The following AFG2A variants were observed in gnomAD, a reference collection of about 807,000 sequenced individuals.
AFG2A encodes the protein ATPase family gene 2 protein homolog A.
the AFG2A span, among the ~76,000 whole-genome samples, chr4:122,945,707 G>C: frequency 2.0e-5 from 3 of 152,214 alleles, no homozygotes. Flanking sequence ...TACCTCAGAT[G>C]GAAATACAGA....
the AFG2A span, among the ~76,000 whole-genome samples, chr4:123,036,175 A>G: frequency 1.3e-5 from 2 of 152,228 alleles, no homozygotes; most frequent in Non-Finnish European, 2.9e-5. Context: ...GCTCCTCGTT[A>G]TGTATCAACT....
the AFG2A span, among the ~76,000 whole-genome samples, chr4:123,051,620 G>A: frequency 2.5e-5 from 1 of 39,360 alleles, no homozygotes; most frequent in Admixed American, 2.5e-4. Context: ...GACAGGTCTA[G>A]TAGTGATAAA....
the AFG2A span, among the ~76,000 whole-genome samples, chr4:123,245,284 C>T: frequency 6.6e-6 from 1 of 152,118 alleles, no homozygotes; most frequent in Non-Finnish European, 1.5e-5. Context: ...CCATTAAGAA[C>T]CCATGGGTTT....
the AFG2A span, among the ~76,000 whole-genome samples, chr4:123,185,134 G>T: frequency 1.7e-4 from 26 of 152,082 alleles, no homozygotes; most frequent in African/African-American, 5.1e-4. Context: ...TTGGTTGATG[G>T]CTCTTTTGAA....
At chr4:123,017,458 T>C in the AFG2A span, among the ~76,000 whole-genome samples, 1 of 132,602 alleles carries the variant, frequency 7.5e-6, no homozygotes, top group African/African-American at 3.0e-5. Context: ...TGCTTTTCAC[T>C]ATATACAGCT....
the AFG2A span, chr4:123,255,951 G>A: frequency 6.3e-7 from 1 of 1,580,280 alleles, no homozygotes; most frequent in Non-Finnish European, 8.7e-7. Context: ...CTTTCCCTAG[G>A]TATCTTTGAG....
At chr4:123,179,937 T>C in the AFG2A span, among the ~76,000 whole-genome samples, 1 of 152,118 alleles carries the variant, frequency 6.6e-6, no homozygotes. Flanking sequence ...AGTATAACCA[T>C]GGCCAGGCAC....
chr4:123,263,689 TAATCAAAA>T, the AFG2A span, among the ~76,000 whole-genome samples: 1 of 152,080 alleles, frequency 6.6e-6, no homozygotes, highest in East Asian at 1.9e-4. Flanking sequence ...AGAATAGCCA[TAATCAAAA>T]AATCAAAAAA....
the AFG2A span, among the ~76,000 whole-genome samples, chr4:123,263,967 A>G: frequency 6.6e-6 from 1 of 152,232 alleles, no homozygotes; most frequent in African/African-American, 2.4e-5. Flanking sequence ...CCAAATGCCC[A>G]TCAATCAACA....
chr4:123,152,353 C>G, the AFG2A span, among the ~76,000 whole-genome samples: 1 of 152,022 alleles, frequency 6.6e-6, no homozygotes, highest in Admixed American at 6.6e-5. Context: ...AGAATATTTG[C>G]AAAAGACACA....
chr4:123,183,933 T>TATTCATTC, the AFG2A span, among the ~76,000 whole-genome samples: 14,544 of 137,276 alleles, frequency 0.11, 768 homozygotes, highest in Non-Finnish European at 0.12. Flanking sequence ...CTTGCTTATT[T>TATTCATTC]ATTCATTCAT....
chr4:123,122,188 T>TA, the AFG2A span, among the ~76,000 whole-genome samples: 9 of 152,190 alleles, frequency 5.9e-5, no homozygotes, highest in Non-Finnish European at 1.3e-4. Flanking sequence ...GAGAAAGAGA[T>TA]AGATTTGTTC....
the AFG2A span, among the ~76,000 whole-genome samples, chr4:123,247,261 C>G: frequency 3.0e-4 from 45 of 147,888 alleles, no homozygotes; most frequent in Non-Finnish European, 3.4e-4. Flanking sequence ...ACTACTAATA[C>G]TAACATAAAT....
chr4:123,276,821 A>T, the AFG2A span, among the ~76,000 whole-genome samples: 1 of 151,756 alleles, frequency 6.6e-6, no homozygotes, highest in East Asian at 1.9e-4. Context: ...TGGGTTCTCT[A>T]TTCTGTTCAT....
the AFG2A span, among the ~76,000 whole-genome samples, chr4:123,197,856 A>G: frequency 6.6e-6 from 1 of 152,210 alleles, no homozygotes; most frequent in African/African-American, 2.4e-5. Flanking sequence ...AGAACTTATA[A>G]AAAATACAAA....
the AFG2A span, among the ~76,000 whole-genome samples, chr4:123,286,811 A>T: frequency 2.6e-5 from 4 of 152,028 alleles, no homozygotes; most frequent in Non-Finnish European, 5.9e-5. Context: ...TCCGATCTGA[A>T]CTTCTGTAAT....
the AFG2A span, among the ~76,000 whole-genome samples, chr4:122,947,896 G>A: frequency 6.6e-6 from 1 of 152,052 alleles, no homozygotes; most frequent in African/African-American, 2.4e-5. Context: ...AACTGCATGG[G>A]TCCACTTATA....
At chr4:123,089,467 A>G in the AFG2A span, among the ~76,000 whole-genome samples, 4 of 152,220 alleles carry the variant, frequency 2.6e-5, no homozygotes, top group African/African-American at 9.7e-5. Context: ...TTACATATTT[A>G]TCAATTCCAA....
the AFG2A span, among the ~76,000 whole-genome samples, chr4:122,948,433 C>T: frequency 6.8e-6 from 1 of 147,860 alleles, no homozygotes; most frequent in African/African-American, 2.5e-5. Flanking sequence ...CACACACACA[C>T]GGACATGTAA....
Sources: gnomAD v4.1 joint callset for allele counts (sites outside exome capture counted in the v4.1 genomes callset) on GRCh38, gnomAD v4.1.1 for gene constraint, MANE v1.5 for transcripts, NCBI Gene and HGNC (gene_info 2026-07-23, HGNC 2026-07-21) for gene names.